DMD: variants seen among roughly 807,000 people sequenced by gnomAD.
The protein encoded by DMD is mutant dystrophin.
A neutral mutation model predicts 330.1 loss-of-function variants in DMD; 63 were observed. The ratio of observed to expected loss-of-function variants is 0.19; its 90% CI spans 0.16 to 0.24. DMD has a LOEUF of 0.24. Ranked by LOEUF, DMD falls within the 10% of genes least tolerant of loss-of-function variation. The probability of loss-of-function intolerance (pLI) is 1.00; values close to 1 mark genes in which losing one functional copy is unlikely to be tolerated. For missense variants in DMD, 3,344 were observed against 2,684.1 expected (o/e 1.25, Z -5.43); for synonymous variants, 1,223 against 959.8 (o/e 1.27, Z -5.07).
At chrX:33,014,808 G>T (rs1030137778) in intron 2 of DMD, among the ~76,000 whole-genome samples, 1 of 106,573 alleles carries the variant, frequency 9.4e-6, no homozygotes, top group African/African-American at 3.6e-5. Context: ...TGACAAAAAT[G>T]GGAATATTTT....
intron 11 of DMD, among the ~76,000 whole-genome samples, chrX:32,620,452 A>G (rs144694095): frequency 1.8e-5 from 2 of 112,403 alleles, no homozygotes; most frequent in African/African-American, 6.5e-5. Flanking sequence ...AGATTGCACT[A>G]TTTATTGACT....
At chrX:31,434,444 A>G (rs770723401) in intron 60 of DMD, among the ~76,000 whole-genome samples, 5,235 of 102,192 alleles carry the variant, frequency 0.051, 162 homozygotes, top group Middle Eastern at 0.095. Flanking sequence ...ACACACACAC[A>G]CACACACACA....
chrX:32,395,362 A>G (rs183124888), intron 30 of DMD, among the ~76,000 whole-genome samples: 82 of 109,861 alleles, frequency 7.5e-4, no homozygotes, highest in African/African-American at 2.7e-3. Flanking sequence ...TAAGTAAATT[A>G]CAAAGCAGAA....
At chrX:32,490,661 C>G (rs1476157557) in intron 20 of DMD, among the ~76,000 whole-genome samples, 1 of 111,428 alleles carries the variant, frequency 9.0e-6, no homozygotes, top group Non-Finnish European at 1.9e-5. Context: ...CTGACTGTCT[C>G]CTTCTGAGTT....
chrX:32,787,103 G>A (rs904764546), intron 7 of DMD, among the ~76,000 whole-genome samples: 12 of 110,681 alleles, frequency 1.1e-4, no homozygotes, highest in African/African-American at 3.6e-4. Flanking sequence ...GCTAACTAAT[G>A]TCTTACAAAT....
At chrX:33,114,788 C>T (rs1020167184) in intron 1 of DMD, among the ~76,000 whole-genome samples, 2 of 112,099 alleles carry the variant, frequency 1.8e-5, no homozygotes, top group Admixed American at 1.9e-4. Flanking sequence ...TTAATAGTGC[C>T]TGTGTTTAAC....
intron 60 of DMD, among the ~76,000 whole-genome samples, chrX:31,353,867 C>G (rs1030889448): frequency 3.6e-5 from 4 of 111,999 alleles, no homozygotes; most frequent in African/African-American, 1.3e-4. Context: ...ATGATTTAAA[C>G]AGCCAGGAGG....
rs763585635 is a variant in DMD at position 32,380,599 on chromosome X, A to G, written c.4756T>C (p.Trp1586Arg). The G allele has an allele frequency of 8.3e-7, 1 of 1,208,231 alleles. No individual in the cohort carries two copies. Among genetic ancestry groups the G allele is most frequent in the African/African-American group, 1.7e-5 (1 of 57,155 alleles). ...AATTCCATATCTGTAGCTGCCAGCC[A>G]TTCTGTCAAGACATTCATTTCCTTT... ...MRKEMNVLTE[W>R]LAATDMELTK... The change falls in exon 34 of 79, where the codon TGG becomes CGG. Residue 1586 changes from tryptophan to arginine, a missense_variant. Transcript: ENST00000357033.
At chrX:31,942,185 A>G (rs112180560) in intron 45 of DMD, among the ~76,000 whole-genome samples, 4,407 of 111,438 alleles carry the variant, frequency 0.04, 203 homozygotes, top group African/African-American at 0.13. Context: ...AAGCCTCACC[A>G]TCATCTGTTG....
intron 16 of DMD, among the ~76,000 whole-genome samples, chrX:32,550,877 G>A (rs1464256257): frequency 9.0e-6 from 1 of 111,025 alleles, no homozygotes; most frequent in Admixed American, 9.6e-5. Flanking sequence ...ACACAAGCTA[G>A]AAAACCTAGA....
chrX:32,930,084 C>T (rs1015811473), intron 2 of DMD, among the ~76,000 whole-genome samples: 2 of 111,376 alleles, frequency 1.8e-5, no homozygotes, highest in African/African-American at 6.5e-5. Flanking sequence ...GTTAGCCTAG[C>T]CTATCTTAAA....
At chrX:31,529,198 G>A (rs2073496311) in intron 55 of DMD, among the ~76,000 whole-genome samples, 2 of 105,674 alleles carry the variant, frequency 1.9e-5, no homozygotes, top group African/African-American at 3.5e-5. Context: ...CTGCAGCTTG[G>A]GTGACAGAGC....
At chrX:31,940,533 G>C (rs1364700356) in intron 45 of DMD, among the ~76,000 whole-genome samples, 1 of 111,496 alleles carries the variant, frequency 9.0e-6, no homozygotes, top group African/African-American at 3.3e-5. Context: ...TTTGAAATCC[G>C]TATGTTAAAG....
At chrX:32,544,376 C>T (rs1430054049) in intron 17 of DMD, among the ~76,000 whole-genome samples, 1 of 111,674 alleles carries the variant, frequency 9.0e-6, no homozygotes. Context: ...GTCAAGTGTT[C>T]CATGAGTTTC....
chrX:32,636,194 A>G lies in DMD; in HGVS notation c.1331+7938T>C, dbSNP rs1009973021. Among the ~76,000 whole-genome samples, 24 of 112,135 alleles carry G rather than the reference A, an allele frequency of 2.1e-4. No individual in the cohort carries two copies. The Admixed American group carries it at 2.3e-3, about 11-fold the overall frequency. On this transcript the variant is annotated intron_variant, in intron 11 of 78. Coordinates refer to ENST00000357033, the MANE Select transcript of DMD (RefSeq NM_004006.3). ...TCTTTACAGCACCTTCTTTCCCAAC[A>G]CGAAGTATGCTGACATCTTGGGCTA...
At chrX:32,688,898 A>T (rs1435830889) in intron 9 of DMD, among the ~76,000 whole-genome samples, 1 of 111,602 alleles carries the variant, frequency 9.0e-6, no homozygotes, top group Non-Finnish European at 1.9e-5. Flanking sequence ...ATTCTTATTT[A>T]GAATTATCAC....
chrX:32,870,051 G>A (rs909645181), intron 2 of DMD, among the ~76,000 whole-genome samples: 3 of 111,259 alleles, frequency 2.7e-5, no homozygotes, highest in African/African-American at 6.5e-5. Context: ...AAACTCCATC[G>A]TCTCACCCCA....
At chrX:32,550,283 C>T (rs1026978319) in intron 16 of DMD, among the ~76,000 whole-genome samples, 1 of 111,765 alleles carries the variant, frequency 8.9e-6, no homozygotes, top group African/African-American at 3.3e-5. Flanking sequence ...ATTATACCAA[C>T]AACACTCTTG....
Position 32,654,701 on chromosome X carries a change from C to G in DMD, c.961-9549G>C, listed in dbSNP as rs60922737. Reference sequence around the variant, plus strand: ...AGGGAGGATTCCCTCTTTTTCTATTCATTGGAATAGTTTCAGAAGGAATGG... The same window carrying G: ...AGGGAGGATTCCCTCTTTTTCTATTGATTGGAATAGTTTCAGAAGGAATGG... On this transcript the variant is annotated intron_variant, in intron 9 of 78. Coordinates refer to ENST00000357033, the MANE Select transcript of DMD (RefSeq NM_004006.3). 2.8e-3 allele frequency among the ~76,000 whole-genome samples: 307 copies of G among 111,431 alleles called. 1 individual carries two copies. Among genetic ancestry groups the G allele is most frequent in the African/African-American group, 8.0e-3 (246 of 30,652 alleles).
Sources: gnomAD v4.1 joint callset for allele counts (sites outside exome capture counted in the v4.1 genomes callset) on GRCh38, gnomAD v4.1.1 for gene constraint, MANE v1.5 for transcripts, NCBI Gene and HGNC (gene_info 2026-07-23, HGNC 2026-07-21) for gene names.